The following DSG2 variants were observed in gnomAD, a reference collection of about 807,000 sequenced individuals.
The protein encoded by DSG2 is desmoglein 2.
In DSG2, 45 loss-of-function variants were observed where a neutral mutation model predicts 75.6. The ratio of observed to expected loss-of-function variants is 0.60; its 90% CI spans 0.47 to 0.76. The LOEUF is 0.76. Ranked by LOEUF, DSG2 falls within the 30% of genes least tolerant of loss-of-function variation. The pLI is 0.00. For synonymous variants in DSG2, 429 were observed against 483.9 expected (o/e 0.89, Z 1.49); for missense variants, 1,267 against 1,357.4 (o/e 0.93, Z 1.05).
intron 1 of DSG2, among the ~76,000 whole-genome samples, chr18:31,512,479 TTGTTCTTGCCACTTTATGGCC>T (rs1294564216): frequency 6.6e-6 from 1 of 152,256 alleles, no homozygotes; most frequent in East Asian, 1.9e-4. Flanking sequence ...CTCTATACAT[TTGTTCTTGCCACTTTATGGCC>T]TGTTCTCCAT....
rs148567745 is a variant in DSG2, at chr18:31,541,762, A to G, written c.2001+448A>G. ...CCATATCCCTTTGTCTCTCTGTTGC[A>G]CCTTCACCCTGGACCTCTCACCACC... On this transcript the variant is annotated intron_variant, in intron 13 of 14. Coordinates refer to ENST00000261590, the MANE Select transcript of DSG2 (RefSeq NM_001943.5). 1.3e-3 allele frequency among the ~76,000 whole-genome samples: 205 copies of G among 152,220 alleles called. 2 individuals are homozygous for G. The highest frequency in any genetic ancestry group is 4.6e-3 in the African/African-American group (192 of 41,538).
chr18:31,536,954 C>T (rs2073234659), intron 11 of DSG2, among the ~76,000 whole-genome samples: 1 of 152,142 alleles, frequency 6.6e-6, no homozygotes, highest in South Asian at 2.1e-4. Context: ...TTATCTGATT[C>T]CCCCCTTCCC....
At chr18:31,523,920 AT>A (rs1450968311) in intron 6 of DSG2, among the ~76,000 whole-genome samples, 2 of 152,168 alleles carry the variant, frequency 1.3e-5, no homozygotes, top group Non-Finnish European at 2.9e-5. Context: ...GCCCTCCTAA[AT>A]TCCAGCCACG....
rs187200225 is a variant in DSG2, at chr18:31,539,056, T to C, written c.1879+78T>C. ...TGGAGATGTGTTACTATGGTAGTCA[T>C]TGATTTCTTCACAGTTATTCTTTAA... On this transcript the variant is annotated intron_variant, in intron 12 of 14. Coordinates refer to ENST00000261590, the MANE Select transcript of DSG2 (RefSeq NM_001943.5). The C allele has an allele frequency of 2.6e-5, 36 of 1,372,402 alleles. No individual in the cohort carries two copies. In the Admixed American group the frequency reaches 5.9e-4, roughly 22 times the overall value. The allele number at this position is 1,372,402 out of a possible 1,614,324, so 85.0% of individuals were successfully genotyped here.
intron 1 of DSG2, among the ~76,000 whole-genome samples, chr18:31,510,711 C>A (rs56095599): frequency 0.034 from 5,233 of 152,146 alleles, 287 homozygotes; most frequent in African/African-American, 0.12. Context: ...TAATAAAATA[C>A]TTTTTTTAGA....
At chr18:31,511,182 T>C (rs1187885480) in intron 1 of DSG2, among the ~76,000 whole-genome samples, 3 of 152,188 alleles carry the variant, frequency 2.0e-5, no homozygotes, top group Non-Finnish European at 4.4e-5. Context: ...AACGCAGCCA[T>C]GGTGTCTTAA....
chr18:31,523,241 T>C (rs544772525), intron 6 of DSG2, among the ~76,000 whole-genome samples: 1 of 151,706 alleles, frequency 6.6e-6, no homozygotes, highest in Non-Finnish European at 1.5e-5. Context: ...CTCTACTAAA[T>C]ATACAAAAAA....
Position 31,548,000 on chromosome 18 carries a change from A to C in DSG2, c.*1257A>C, listed in dbSNP as rs188055604. 3.9e-5 allele frequency: 6 copies of C among 152,228 alleles called. No individual in the cohort carries two copies. The highest frequency in any genetic ancestry group is 3.9e-4 in the Admixed American group (6 of 15,272). 9.4% of individuals were successfully genotyped at this position (152,228 alleles called of 1,614,324 possible). On this transcript the variant is annotated 3_prime_UTR_variant, in exon 15 of 15. Transcript: ENST00000261590. ...CGTAGAATTACACTGAATTGTAAAA[A>C]CCATTCGTTTTTGTTTACAATTGCC... is the stretch of plus-strand genomic sequence containing the variant.
chr18:31,516,945 C>T (rs1172403470), intron 1 of DSG2, among the ~76,000 whole-genome samples: 1 of 152,188 alleles, frequency 6.6e-6, no homozygotes, highest in Non-Finnish European at 1.5e-5. Context: ...GCCCTTAGCA[C>T]ATGTGGCTGT....
intron 1 of DSG2, among the ~76,000 whole-genome samples, chr18:31,507,048 G>C (rs946265156): frequency 6.6e-6 from 1 of 151,996 alleles, no homozygotes; most frequent in Non-Finnish European, 1.5e-5. Context: ...ATCTGTATTA[G>C]GTATTTCTCC....
chr18:31,502,978 GT>G (rs1358144351), intron 1 of DSG2, among the ~76,000 whole-genome samples: 5 of 152,110 alleles, frequency 3.3e-5, no homozygotes, highest in African/African-American at 1.2e-4. Flanking sequence ...TCTCAGTTTT[GT>G]TTTTTATTAA....
chr18:31,518,790 A>G (rs2073109757), intron 2 of DSG2, among the ~76,000 whole-genome samples: 1 of 152,208 alleles, frequency 6.6e-6, no homozygotes, highest in Admixed American at 6.5e-5. Flanking sequence ...TACCTATTAC[A>G]TAGAGCAACA....
At chr18:31,524,258 G>C (rs1029551238) in intron 6 of DSG2, among the ~76,000 whole-genome samples, 190 bp from the exon 7 acceptor site, 1 of 152,134 alleles carries the variant, frequency 6.6e-6, no homozygotes, top group Non-Finnish European at 1.5e-5. Context: ...TACAACTCCC[G>C]AGGCTTTTCT....
At chr18:31,537,809 C>T (rs1211821254) in intron 11 of DSG2, among the ~76,000 whole-genome samples, 1 of 151,892 alleles carries the variant, frequency 6.6e-6, no homozygotes, top group Non-Finnish European at 1.5e-5. Context: ...TTGAGACCAG[C>T]CTGGCCAACA....
At chr18:31,511,002 T>A (rs563414291) in intron 1 of DSG2, among the ~76,000 whole-genome samples, 47 of 152,282 alleles carry the variant, frequency 3.1e-4, no homozygotes, top group African/African-American at 8.9e-4. Context: ...ACAGGTTTTT[T>A]AAAAAGTGCC....
chr18:31,519,670 T>C (rs1047497320), intron 2 of DSG2, 133 bp from the exon 3 acceptor site: 3 of 909,732 alleles, frequency 3.3e-6, no homozygotes, highest in Non-Finnish European at 5.2e-6. Context: ...TTTTAGACAA[T>C]GAAGCCTCAT....
At chr18:31,519,967 TG>T in intron 3 of DSG2, 30 bp downstream of exon 3, 1 of 1,614,014 alleles carries the variant, frequency 6.2e-7, no homozygotes, top group Non-Finnish European at 8.5e-7. Flanking sequence ...ATGAAATACA[TG>T]CATATGACTA....
intron 8 of DSG2, among the ~76,000 whole-genome samples, chr18:31,529,282 A>G (rs1013932749): frequency 6.6e-6 from 1 of 152,182 alleles, no homozygotes; most frequent in African/African-American, 2.4e-5. Context: ...GCTATTTATG[A>G]CTAACACTAT....
At chr18:31,521,613 T>A (rs1343982931) in intron 5 of DSG2, among the ~76,000 whole-genome samples, 2 of 152,202 alleles carry the variant, frequency 1.3e-5, no homozygotes, top group African/African-American at 4.8e-5. Context: ...TTGGCTATAG[T>A]TTGCTGACCT....
Sources: gnomAD v4.1 joint callset for allele counts (sites outside exome capture counted in the v4.1 genomes callset) on GRCh38, gnomAD v4.1.1 for gene constraint, MANE v1.5 for transcripts, NCBI Gene and HGNC (gene_info 2026-07-23, HGNC 2026-07-21) for gene names.